The following STK32B variants were observed in gnomAD, a reference collection of about 807,000 sequenced individuals.
STK32B encodes serine/threonine-protein kinase 32B.
In STK32B, 43 loss-of-function variants were observed where a neutral mutation model predicts 52.6. That is an observed-to-expected ratio of 0.82 (90% CI 0.64 to 1.05). The LOEUF is 1.05. STK32B is among the 50% of genes least tolerant of loss of function. The probability of loss-of-function intolerance (pLI) is 0.00; values close to 1 mark genes in which losing one functional copy is unlikely to be tolerated. For synonymous variants in STK32B, 238 were observed against 204.3 expected, an observed-to-expected ratio of 1.17 and a Z score of -1.41; for missense variants, 621 against 534.6, an observed-to-expected ratio of 1.16 and a Z score of -1.59.
At chr4:5,160,633 T>G (rs111557985) in intron 2 of STK32B, among the ~76,000 whole-genome samples, 5,345 of 152,326 alleles carry the variant, frequency 0.035, 195 homozygotes, top group African/African-American at 0.093. Context: ...GTTTTCTAAA[T>G]AGTAATGACT....
chr4:5,368,140 G>A (rs541354372), intron 4 of STK32B, among the ~76,000 whole-genome samples: 9 of 152,030 alleles, frequency 5.9e-5, no homozygotes, highest in African/African-American at 2.2e-4. Flanking sequence ...TCGTCCTTTT[G>A]CTGTTGGGTG....
intron 1 of STK32B, among the ~76,000 whole-genome samples, chr4:5,110,089 A>G (rs2108801412): frequency 6.6e-6 from 1 of 152,200 alleles, no homozygotes; most frequent in Admixed American, 6.5e-5. Flanking sequence ...AACACTGATG[A>G]AAGAAATTGT....
At chr4:5,073,414 A>G (rs901246472) in intron 1 of STK32B, among the ~76,000 whole-genome samples, 1 of 151,600 alleles carries the variant, frequency 6.6e-6, no homozygotes, top group African/African-American at 2.4e-5. Flanking sequence ...GTATAATTCC[A>G]TTTTCCCATT....
intron 3 of STK32B, among the ~76,000 whole-genome samples, chr4:5,223,789 C>T (rs1216195762): frequency 2.7e-5 from 4 of 148,380 alleles, no homozygotes. Context: ...TGCATTCCAG[C>T]CTGGGAGACA....
intron 1 of STK32B, among the ~76,000 whole-genome samples, chr4:5,056,399 T>A (rs1447289): frequency 6.6e-6 from 1 of 152,340 alleles, no homozygotes; most frequent in South Asian, 2.1e-4. Flanking sequence ...TTCTGTATCC[T>A]TAAGGCCTAA....
At chr4:5,405,496 G>A (rs1737596813) in intron 5 of STK32B, among the ~76,000 whole-genome samples, 1 of 152,154 alleles carries the variant, frequency 6.6e-6, no homozygotes, top group Non-Finnish European at 1.5e-5. Flanking sequence ...GTGCGGCTGT[G>A]TTAGTCCATT....
intron 1 of STK32B, among the ~76,000 whole-genome samples, chr4:5,079,050 G>A (rs1267092741): frequency 6.6e-6 from 1 of 152,158 alleles, no homozygotes; most frequent in Non-Finnish European, 1.5e-5. Context: ...CAATTGTTAT[G>A]CCTTAGCAAT....
chr4:5,131,704 C>T (rs924563500), intron 1 of STK32B, among the ~76,000 whole-genome samples: 1 of 152,148 alleles, frequency 6.6e-6, no homozygotes, highest in African/African-American at 2.4e-5. Flanking sequence ...AATAACCATC[C>T]TCCTCATATC....
rs545808700 is a variant in STK32B at position 5,366,854 on chromosome 4, G to T, written c.435-31353G>T. ...CGTTGCGTACCCAGTGTGTTACAGGGTTCTACTGGGTGCATCCTGTGTACC... is the reference window on the plus strand; with the variant it reads ...CGTTGCGTACCCAGTGTGTTACAGGTTTCTACTGGGTGCATCCTGTGTACC... On this transcript the variant is annotated intron_variant, in intron 4 of 11. Transcript: ENST00000282908. 9.6e-4 allele frequency among the ~76,000 whole-genome samples: 146 copies of T among 152,252 alleles called. 1 individual carries two copies. The highest frequency in any genetic ancestry group is 3.4e-3 in the African/African-American group (143 of 41,552).
chr4:5,101,340 C>G (rs1178882814), intron 1 of STK32B, among the ~76,000 whole-genome samples: 3 of 152,022 alleles, frequency 2.0e-5, no homozygotes, highest in Non-Finnish European at 4.4e-5. Flanking sequence ...TGGATGTACT[C>G]TAGTTGTTTC....
chr4:5,461,381 C>A (rs527986452), intron 9 of STK32B, among the ~76,000 whole-genome samples: 10 of 152,166 alleles, frequency 6.6e-5, no homozygotes, highest in Admixed American at 1.3e-4. Context: ...GCTAGTGTTT[C>A]ATGTCAGATT....
At chr4:5,280,620 C>T (rs977470195) in intron 3 of STK32B, among the ~76,000 whole-genome samples, 4 of 152,112 alleles carry the variant, frequency 2.6e-5, no homozygotes, top group Admixed American at 6.6e-5. Context: ...CCTGGCCGAG[C>T]GCAGTGGCTT....
At chr4:5,402,420 G>T (rs1167691437) in intron 5 of STK32B, among the ~76,000 whole-genome samples, 3 of 152,224 alleles carry the variant, frequency 2.0e-5, no homozygotes, top group African/African-American at 7.2e-5. Context: ...GCTGTATTTT[G>T]CACTTAAGTG....
At chr4:5,195,670 G>A (rs777679608) in intron 3 of STK32B, among the ~76,000 whole-genome samples, 21 of 152,138 alleles carry the variant, frequency 1.4e-4, no homozygotes, top group African/African-American at 4.3e-4. Flanking sequence ...CCAGCCTGGC[G>A]ACAGAGTGAG....
At chr4:5,189,866 A>G (rs1456792956) in intron 3 of STK32B, among the ~76,000 whole-genome samples, 1 of 152,112 alleles carries the variant, frequency 6.6e-6, no homozygotes, top group Non-Finnish European at 1.5e-5. Flanking sequence ...GTAGGCGTGT[A>G]GTGGTATTCC....
intron 3 of STK32B, among the ~76,000 whole-genome samples, chr4:5,321,724 T>C (rs897607203): frequency 6.6e-6 from 1 of 152,152 alleles, no homozygotes; most frequent in African/African-American, 2.4e-5. Flanking sequence ...GATAGCACTT[T>C]ACAGTCTGCA....
chr4:5,080,041 T>C lies in STK32B; in HGVS notation c.52+28126T>C, dbSNP rs546859164. Among the ~76,000 whole-genome samples, 4 of 69,746 alleles carry C rather than the reference T, an allele frequency of 5.7e-5. No individual in the cohort carries two copies. In the East Asian group the frequency reaches 1.5e-3, roughly 27 times the overall value. 45.8% of individuals were successfully genotyped at this position (69,746 alleles called of 152,430 possible). A position where few individuals can be genotyped will look rare whatever the true frequency, so the allele number is the denominator to read the frequency against. ...TCAAACCGTTCTGGAGACCTAATGGTACGGCATGGTGACTAGAGTTACTAA... is the reference window on the plus strand; with the variant it reads ...TCAAACCGTTCTGGAGACCTAATGGCACGGCATGGTGACTAGAGTTACTAA... On this transcript the variant is annotated intron_variant, in intron 1 of 11. Coordinates refer to ENST00000282908, the MANE Select transcript of STK32B (RefSeq NM_018401.3).
intron 3 of STK32B, among the ~76,000 whole-genome samples, chr4:5,193,503 C>T (rs905395480): frequency 5.9e-5 from 9 of 152,188 alleles, no homozygotes; most frequent in African/African-American, 2.2e-4. Context: ...ACCTTGCCTC[C>T]CAGGCGCCGT....
intron 3 of STK32B, among the ~76,000 whole-genome samples, chr4:5,234,645 T>C (rs1724506586): frequency 6.6e-6 from 1 of 152,270 alleles, no homozygotes; most frequent in Admixed American, 6.5e-5. Flanking sequence ...CTTTTCACTC[T>C]TACAGACTTT....
Sources: allele counts gnomAD v4.1 joint callset (sites outside exome capture counted in the v4.1 genomes callset), GRCh38; gene constraint gnomAD v4.1.1; transcripts MANE v1.5; gene names NCBI Gene and HGNC (gene_info 2026-07-23, HGNC 2026-07-21).